Variants in CMSS1 observed in about 807,000 individuals in gnomAD.
CMSS1 encodes the protein cms1 ribosomal small subunit homolog.
Under a neutral mutation model 43.5 loss-of-function variants are expected in CMSS1, and 33 were observed. The observed-to-expected ratio is 0.76, with a 90% CI of 0.57 to 1.01. The LOEUF is 1.01. Among genes scored for constraint, CMSS1 ranks in the 50% least tolerant of loss-of-function variants. The probability of loss-of-function intolerance (pLI) is 0.00; values close to 1 mark genes in which losing one functional copy is unlikely to be tolerated. For synonymous variants in CMSS1, 115 were observed against 117.2 expected, an observed-to-expected ratio of 0.98 and a Z score of 0.12; for missense variants, 313 against 326.4, an observed-to-expected ratio of 0.96 and a Z score of 0.32.
At chr3:100,160,616 T>G in intron 3 of CMSS1, 115 bp downstream of exon 3, 1 of 597,142 alleles carries the variant, frequency 1.7e-6, no homozygotes, top group South Asian at 2.0e-5. Flanking sequence ...ATGCAGACAT[T>G]GTAAGATTCT....
chr3:100,060,017 T>C (rs1286567742), intron 1 of CMSS1, among the ~76,000 whole-genome samples: 1 of 149,652 alleles, frequency 6.7e-6, no homozygotes, highest in East Asian at 2.0e-4. Flanking sequence ...GCACAGGCAG[T>C]TTTCCTGCTG....
chr3:100,045,729 A>T (rs575230522), intron 1 of CMSS1, among the ~76,000 whole-genome samples: 3 of 152,332 alleles, frequency 2.0e-5, no homozygotes, highest in South Asian at 2.1e-4. Context: ...TAGGAAGGCA[A>T]AGCCTTTACA....
intron 1 of CMSS1, among the ~76,000 whole-genome samples, chr3:100,067,164 CT>C (rs995339885): frequency 6.2e-5 from 8 of 129,954 alleles, no homozygotes; most frequent in African/African-American, 1.9e-4. Flanking sequence ...TGTTTTTGAT[CT>C]CGTTTGTTTG....
intron 1 of CMSS1, among the ~76,000 whole-genome samples, chr3:100,108,141 A>G (rs2066425307): frequency 6.6e-6 from 1 of 152,138 alleles, no homozygotes; most frequent in Admixed American, 6.6e-5. Flanking sequence ...CCTTTTATTT[A>G]TAGATGACAT....
intron 1 of CMSS1, among the ~76,000 whole-genome samples, chr3:100,000,057 C>A (rs1490617631): frequency 6.6e-6 from 1 of 152,124 alleles, no homozygotes; most frequent in East Asian, 1.9e-4. Flanking sequence ...GCCCAGGCAT[C>A]TCTATTTTTT....
rs910835871 is a variant in CMSS1 at position 99,850,775 on chromosome 3, T to C, written c.64+32732T>C. 4.3e-6 allele frequency: 7 copies of C among 1,614,088 alleles called. No individual in the cohort carries two copies. In the African/African-American group the frequency reaches 5.3e-5, roughly 12 times the overall value. On this transcript the variant is annotated intron_variant, in intron 1 of 9. Transcript: ENST00000421999. Reference sequence around the variant, plus strand: ...ATTGTGTCTTGGTCTTGGTGAAACTTTGTGGTCTGCGTTTGCAGTTCCTTC... The same window carrying C: ...ATTGTGTCTTGGTCTTGGTGAAACTCTGTGGTCTGCGTTTGCAGTTCCTTC...
chr3:99,898,296 A>G (rs1439537440), intron 1 of CMSS1: 4 of 152,208 alleles, frequency 2.6e-5, no homozygotes, highest in African/African-American at 9.7e-5. Context: ...CAAACAAATT[A>G]TACTATATGG....
chr3:100,033,397 A>G (rs1357240782), intron 1 of CMSS1, among the ~76,000 whole-genome samples: 2 of 152,072 alleles, frequency 1.3e-5, no homozygotes, highest in Admixed American at 6.6e-5. Context: ...CTTCCATCAA[A>G]CCCTCATTCC....
intron 1 of CMSS1, among the ~76,000 whole-genome samples, chr3:100,053,201 GAC>G (rs557307285): frequency 5.3e-4 from 81 of 152,114 alleles, no homozygotes; most frequent in Non-Finnish European, 9.1e-4. Flanking sequence ...GTCTTGAAAA[GAC>G]ACAGTTTCCT....
At chr3:99,844,194 C>T (rs1041427772) in intron 1 of CMSS1, among the ~76,000 whole-genome samples, 2 of 152,084 alleles carry the variant, frequency 1.3e-5, no homozygotes, top group African/African-American at 4.8e-5. Context: ...ATTTGAAGTA[C>T]CGTTTTAGGG....
intron 1 of CMSS1, among the ~76,000 whole-genome samples, chr3:100,133,723 T>A (rs1192492567): frequency 6.6e-6 from 1 of 152,204 alleles, no homozygotes; most frequent in African/African-American, 2.4e-5. Context: ...AATCATTATG[T>A]GAATACTTTT....
At chr3:100,156,958 G>A (rs2066981270) in intron 2 of CMSS1, among the ~76,000 whole-genome samples, 1 of 152,108 alleles carries the variant, frequency 6.6e-6, no homozygotes, top group Admixed American at 6.5e-5. Flanking sequence ...GTCTCACTAT[G>A]TAACCAGGGC....
chr3:99,932,937 G>A (rs1315999334), intron 1 of CMSS1, among the ~76,000 whole-genome samples: 4 of 152,126 alleles, frequency 2.6e-5, no homozygotes, highest in Non-Finnish European at 5.9e-5. Flanking sequence ...ACCTGATCTG[G>A]AAGTGAGGGA....
At chr3:99,933,658 A>G (rs1707563038) in intron 1 of CMSS1, among the ~76,000 whole-genome samples, 1 of 152,206 alleles carries the variant, frequency 6.6e-6, no homozygotes, top group Admixed American at 6.5e-5. Context: ...ACATAAATAT[A>G]TTTAATATAG....
At chr3:100,145,518 C>T (rs770420817) in intron 1 of CMSS1, among the ~76,000 whole-genome samples, 4 of 151,946 alleles carry the variant, frequency 2.6e-5, no homozygotes, top group East Asian at 1.9e-4. Flanking sequence ...ATATAAGGAA[C>T]GAGATTTACT....
chr3:99,848,539 C>T lies in CMSS1; in HGVS notation c.64+30496C>T, dbSNP rs374311994. On this transcript the variant is annotated intron_variant, in intron 1 of 9. Transcript: ENST00000421999. The stretch of plus-strand genomic sequence containing the variant: ...CACACTTGAGCTATTGCTGTTTGAA[C>T]GCTGAAACTGCCATGATGACTGCCG... 5.2e-5 allele frequency: 84 copies of T among 1,614,202 alleles called. No individual in the cohort carries two copies. In the Middle Eastern group the frequency reaches 9.9e-4, roughly 19 times the overall value.
chr3:100,059,623 C>CG (rs1328873048), intron 1 of CMSS1, among the ~76,000 whole-genome samples: 7 of 152,166 alleles, frequency 4.6e-5, no homozygotes, highest in Middle Eastern at 3.4e-3. Flanking sequence ...AGCCAGAAGG[C>CG]GGGGGCCAAG....
intron 1 of CMSS1, among the ~76,000 whole-genome samples, chr3:99,952,112 A>C (rs1708193491): frequency 6.6e-6 from 1 of 152,052 alleles, no homozygotes; most frequent in Non-Finnish European, 1.5e-5. Flanking sequence ...GATTTGGCAC[A>C]GGCATCACCA....
Position 100,167,849 on chromosome 3 carries a change from G to T in CMSS1, c.518+9G>T. The T allele has an allele frequency of 6.4e-7, 1 of 1,572,272 alleles. No individual in the cohort carries two copies. Among genetic ancestry groups the T allele is most frequent in the Non-Finnish European group, 8.7e-7 (1 of 1,145,642 alleles). On this transcript the variant is annotated intron_variant, in intron 6 of 9. Transcript: ENST00000421999. The stretch of plus-strand genomic sequence containing the variant: ...GCCCTGGAGCTCATTAGGTTGGAAG[G>T]TTCACCTATTCCATATCATAAATGT...
Sources: gnomAD v4.1 joint callset for allele counts (sites outside exome capture counted in the v4.1 genomes callset) on GRCh38, gnomAD v4.1.1 for gene constraint, MANE v1.5 for transcripts, NCBI Gene and HGNC (gene_info 2026-07-23, HGNC 2026-07-21) for gene names.